The following KALRN variants were observed in gnomAD, a reference collection of about 807,000 sequenced individuals.
The protein encoded by KALRN is kalirin RhoGEF kinase.
Under a neutral mutation model 353.7 loss-of-function variants are expected in KALRN, and 70 were observed. The ratio of observed to expected loss-of-function variants is 0.20; its 90% CI spans 0.16 to 0.24. The LOEUF (loss-of-function observed/expected upper bound fraction) is 0.24. Among genes scored for constraint, KALRN ranks in the 10% least tolerant of loss-of-function variants. KALRN has a pLI of 1.00. For missense variants in KALRN, 2,791 were observed against 3,756.7 expected, an observed-to-expected ratio of 0.74 and a Z score of 6.72; for synonymous variants, 1,391 against 1,434.8, an observed-to-expected ratio of 0.97 and a Z score of 0.69.
intron 18 of KALRN, among the ~76,000 whole-genome samples, 196 bp downstream of exon 18, chr3:124,439,233 C>T (rs2093595219): frequency 1.3e-5 from 2 of 151,638 alleles, no homozygotes. Context: ...CACACACACA[C>T]ACACGCAGCT....
At chr3:124,172,920 G>T (rs1452918807) in intron 1 of KALRN, among the ~76,000 whole-genome samples, 1 of 152,134 alleles carries the variant, frequency 6.6e-6, no homozygotes, top group Non-Finnish European at 1.5e-5. Flanking sequence ...ATTAATCTCA[G>T]TGAAAGAGTT....
chr3:124,703,024 C>T (rs944595772), intron 57 of KALRN, among the ~76,000 whole-genome samples: 3 of 152,070 alleles, frequency 2.0e-5, no homozygotes, highest in Admixed American at 1.3e-4. Context: ...AGGTTGCCCA[C>T]CCGTAAGATC....
chr3:124,491,654 A>G, intron 31 of KALRN: 1 of 359,744 alleles, frequency 2.8e-6, no homozygotes, highest in Non-Finnish European at 5.0e-6. Context: ...ACCAAGAGGG[A>G]AGAAAGCAGG....
chr3:124,334,147 G>A lies in KALRN; in HGVS notation c.1417-118G>A. On this transcript the variant is annotated intron_variant, in intron 8 of 59. Coordinates refer to ENST00000682506, the MANE Select transcript of KALRN (RefSeq NM_001388419.1). The surrounding 1 kb of genome is among the most constrained non-coding windows in gnomAD (Gnocchi z 4.2). ...CTGGCTGGCTAGGTGTCTGGGTATG[G>A]AATGCCTGAGATTCTCAGAAGGCCT... 1.2e-6 allele frequency: 1 copy of A among 849,382 alleles called. No individual in the cohort carries two copies. The highest frequency in any genetic ancestry group is 1.5e-5 in the South Asian group (1 of 65,140). The allele number at this position is 849,382 out of a possible 1,614,324, so 52.6% of individuals were successfully genotyped here.
intron 5 of KALRN, among the ~76,000 whole-genome samples, chr3:124,280,441 G>A (rs1383910978): frequency 6.6e-6 from 1 of 152,194 alleles, no homozygotes; most frequent in Non-Finnish European, 1.5e-5. Context: ...AGTGCTTGGG[G>A]ACCTTCCTCA....
At chr3:124,417,029 T>C (rs1407515672) in intron 14 of KALRN, among the ~76,000 whole-genome samples, 1 of 152,216 alleles carries the variant, frequency 6.6e-6, no homozygotes, top group Non-Finnish European at 1.5e-5. Flanking sequence ...CCTACAACTC[T>C]AACCAAAGTA....
At position 124,234,288 on chromosome 3, in the gene KALRN, T is replaced by G. The variant is rs537816577; in HGVS notation, c.149-541T>G. On this transcript the variant is annotated intron_variant, in intron 2 of 59. Transcript: ENST00000682506. ...GGTTTTTTGGCTGTGTAAAAAATACTTAATGTTTTTTCTATGAATCTGAAA... is the reference window on the plus strand; with the variant it reads ...GGTTTTTTGGCTGTGTAAAAAATACGTAATGTTTTTTCTATGAATCTGAAA... 7.5e-4 allele frequency among the ~76,000 whole-genome samples: 114 copies of G among 152,302 alleles called. 1 individual carries two copies. Among genetic ancestry groups the G allele is most frequent in the Admixed American group, 1.7e-3 (26 of 15,306 alleles).
intron 1 of KALRN, among the ~76,000 whole-genome samples, chr3:124,126,836 C>T (rs992496884): frequency 3.3e-5 from 5 of 152,202 alleles, no homozygotes; most frequent in African/African-American, 9.7e-5. Context: ...GCCCCTAGCC[C>T]ACTTCTGTAG....
intron 1 of KALRN, among the ~76,000 whole-genome samples, chr3:124,093,092 T>C (rs563673967): frequency 2.8e-4 from 42 of 152,162 alleles, no homozygotes; most frequent in Non-Finnish European, 4.1e-4. Context: ...CACAAGGCAG[T>C]TGGGGGGCAG....
chr3:124,264,783 T>C, intron 4 of KALRN, 93 bp downstream of exon 4: 1 of 1,087,422 alleles, frequency 9.2e-7, no homozygotes, highest in East Asian at 2.4e-5. Context: ...TACCATACAG[T>C]ATGTGACACC....
intron 1 of KALRN, among the ~76,000 whole-genome samples, chr3:124,165,692 C>A (rs548149068): frequency 2.1e-4 from 32 of 152,348 alleles, no homozygotes; most frequent in African/African-American, 7.2e-4. Flanking sequence ...TTTGTAATGG[C>A]CTGCCTTGCA....
At chr3:124,636,659 G>A (rs942864903) in intron 36 of KALRN, among the ~76,000 whole-genome samples, 4 of 152,176 alleles carry the variant, frequency 2.6e-5, no homozygotes, top group Admixed American at 6.5e-5. Flanking sequence ...AGAGAATATA[G>A]GAAGGGAGTA....
At chr3:124,305,690 G>A (rs1204563005) in intron 6 of KALRN, among the ~76,000 whole-genome samples, 2 of 93,144 alleles carry the variant, frequency 2.1e-5, no homozygotes, top group Admixed American at 2.1e-4. Context: ...CTGTGGAGCT[G>A]TGGGGGAGTG....
chr3:124,576,179 C>T (rs1188490549), intron 34 of KALRN, among the ~76,000 whole-genome samples: 1 of 151,858 alleles, frequency 6.6e-6, no homozygotes, highest in South Asian at 2.1e-4. Context: ...TCTCCCATCA[C>T]AGTGTATACT....
At chr3:124,495,965 G>GTATGTATATATA (rs2063707218) in intron 32 of KALRN, among the ~76,000 whole-genome samples, 2 of 41,470 alleles carry the variant, frequency 4.8e-5, no homozygotes, top group Non-Finnish European at 7.8e-5. Flanking sequence ...GTGTATGTAT[G>GTATGTATATATA]TATATATATA....
At chr3:124,349,257 T>C (rs1273407870) in intron 10 of KALRN, among the ~76,000 whole-genome samples, 2 of 152,236 alleles carry the variant, frequency 1.3e-5, no homozygotes, top group Non-Finnish European at 2.9e-5. Context: ...ATTCTACTTA[T>C]ACCTAGAGTA....
chr3:124,480,514 G>C (rs1047797856), intron 27 of KALRN, among the ~76,000 whole-genome samples: 1 of 152,028 alleles, frequency 6.6e-6, no homozygotes, highest in Non-Finnish European at 1.5e-5. Context: ...TGCATACCTG[G>C]ACCTACTTTA....
chr3:124,382,711 G>C (rs956244176), intron 10 of KALRN, among the ~76,000 whole-genome samples: 1 of 152,104 alleles, frequency 6.6e-6, no homozygotes, highest in Non-Finnish European at 1.5e-5. Context: ...GGGTTCTTGC[G>C]GGGGGAATCC....
chr3:124,158,604 CA>C (rs1294591060), intron 1 of KALRN, among the ~76,000 whole-genome samples: 7 of 152,232 alleles, frequency 4.6e-5, no homozygotes, highest in African/African-American at 1.7e-4. Flanking sequence ...TCACTGAAAG[CA>C]ATCCCTGACA....
Sources: allele counts gnomAD v4.1 joint callset (sites outside exome capture counted in the v4.1 genomes callset), GRCh38; gene constraint gnomAD v4.1.1; non-coding constraint Gnocchi (gnomAD v3.1); transcripts MANE v1.5; gene names NCBI Gene and HGNC (gene_info 2026-07-23, HGNC 2026-07-21).